HEMK2: variants seen among roughly 807,000 people sequenced by gnomAD.
HEMK2 encodes the protein methyltransferase HEMK2.
the HEMK2 span, among the ~76,000 whole-genome samples, chr21:28,626,061 A>G: frequency 5.9e-5 from 9 of 152,220 alleles, no homozygotes; most frequent in African/African-American, 2.2e-4. Context: ...AACCCACAGG[A>G]AACAGTAAAT....
the HEMK2 span, among the ~76,000 whole-genome samples, chr21:28,777,468 G>A: frequency 2.0e-5 from 3 of 152,194 alleles, no homozygotes; most frequent in African/African-American, 7.2e-5. Context: ...CTAAATCAAT[G>A]TCTACAAAGG....
the HEMK2 span, among the ~76,000 whole-genome samples, chr21:28,718,932 T>C: frequency 2.1e-3 from 324 of 152,262 alleles, 2 homozygotes; most frequent in African/African-American, 7.3e-3. Context: ...AGCTTAGGTA[T>C]GAGTCAAGGT....
chr21:28,704,191 C>T, the HEMK2 span, among the ~76,000 whole-genome samples: 1 of 152,144 alleles, frequency 6.6e-6, no homozygotes, highest in Non-Finnish European at 1.5e-5. Context: ...TAGAGGGAAG[C>T]CAGAGGTAGT....
chr21:28,614,240 A>G, the HEMK2 span, among the ~76,000 whole-genome samples: 1 of 152,210 alleles, frequency 6.6e-6, no homozygotes. Flanking sequence ...TAAGATGTCT[A>G]TTCTTTTCTG....
At chr21:28,630,663 GC>G in the HEMK2 span, among the ~76,000 whole-genome samples, 1 of 151,144 alleles carries the variant, frequency 6.6e-6, no homozygotes, top group Non-Finnish European at 1.5e-5. Context: ...ATCATTCTCA[GC>G]AAACTATCGC....
At chr21:28,684,942 A>G in the HEMK2 span, among the ~76,000 whole-genome samples, 17 of 152,382 alleles carry the variant, frequency 1.1e-4, no homozygotes, top group African/African-American at 4.1e-4. Context: ...AGGTAAAGAC[A>G]GATTTTCATC....
chr21:28,738,618 C>T, the HEMK2 span, among the ~76,000 whole-genome samples: 34,697 of 151,998 alleles, frequency 0.23, 4,567 homozygotes, highest in African/African-American at 0.35. Context: ...AACAGTCCCA[C>T]GGAGAAGCCA....
At chr21:28,859,378 G>T in the HEMK2 span, among the ~76,000 whole-genome samples, 1 of 151,870 alleles carries the variant, frequency 6.6e-6, no homozygotes, top group Non-Finnish European at 1.5e-5. Context: ...ATTTTCATTT[G>T]TGCTTTGACG....
At chr21:28,649,054 C>A in the HEMK2 span, among the ~76,000 whole-genome samples, 3 of 151,392 alleles carry the variant, frequency 2.0e-5, no homozygotes, top group African/African-American at 7.3e-5. Flanking sequence ...TTTGTCCTTG[C>A]GATAGTTTGC....
the HEMK2 span, among the ~76,000 whole-genome samples, chr21:28,647,386 T>C: frequency 1.4e-5 from 2 of 142,008 alleles, no homozygotes; most frequent in African/African-American, 2.7e-5. Context: ...CACGTGCCTG[T>C]AGTCCCAGCT....
At chr21:28,809,766 G>A in the HEMK2 span, among the ~76,000 whole-genome samples, 1 of 152,088 alleles carries the variant, frequency 6.6e-6, no homozygotes, top group Non-Finnish European at 1.5e-5. Context: ...TTGATATATA[G>A]TGCTAAAAAC....
At chr21:28,853,955 G>A in the HEMK2 span, among the ~76,000 whole-genome samples, 1 of 152,176 alleles carries the variant, frequency 6.6e-6, no homozygotes, top group Non-Finnish European at 1.5e-5. Context: ...CTGCAGGTCA[G>A]CCATATACAC....
the HEMK2 span, among the ~76,000 whole-genome samples, chr21:28,710,351 G>C: frequency 6.6e-6 from 1 of 152,134 alleles, no homozygotes; most frequent in Non-Finnish European, 1.5e-5. Flanking sequence ...AGCCAATGGT[G>C]GTCTAATTTT....
chr21:28,695,956 C>A, the HEMK2 span, among the ~76,000 whole-genome samples: 1 of 151,992 alleles, frequency 6.6e-6, no homozygotes, highest in Non-Finnish European at 1.5e-5. Flanking sequence ...TAAAGACATA[C>A]CCGAGACTCG....
chr21:28,729,724 C>T, the HEMK2 span, among the ~76,000 whole-genome samples: 1 of 151,874 alleles, frequency 6.6e-6, no homozygotes, highest in African/African-American at 2.4e-5. Flanking sequence ...TGTCCTGGGC[C>T]GCGTGTGGCC....
chr21:28,849,584 C>G, the HEMK2 span, among the ~76,000 whole-genome samples: 2 of 152,000 alleles, frequency 1.3e-5, no homozygotes, highest in African/African-American at 4.8e-5. Flanking sequence ...CATCGACATC[C>G]AAGAGACAGT....
the HEMK2 span, among the ~76,000 whole-genome samples, chr21:28,842,832 G>T: frequency 6.6e-6 from 1 of 152,140 alleles, no homozygotes; most frequent in Non-Finnish European, 1.5e-5. Flanking sequence ...TGTATACAGA[G>T]AATCAGGTAG....
At chr21:28,831,455 A>AAAGAAAGAAAG in the HEMK2 span, among the ~76,000 whole-genome samples, 1 of 56,968 alleles carries the variant, frequency 1.8e-5, no homozygotes, top group African/African-American at 1.0e-4. Flanking sequence ...AAAAAGAAAG[A>AAAGAAAGAAAG]AAAGAACGAA....
At chr21:28,613,147 A>AAT in the HEMK2 span, among the ~76,000 whole-genome samples, 348 of 151,200 alleles carry the variant, frequency 2.3e-3, 2 homozygotes, top group African/African-American at 7.4e-3. Flanking sequence ...TAGATACCTA[A>AAT]ATATATATAT....
Sources: gnomAD v4.1 joint callset for allele counts (sites outside exome capture counted in the v4.1 genomes callset) on GRCh38, gnomAD v4.1.1 for gene constraint, MANE v1.5 for transcripts, NCBI Gene and HGNC (gene_info 2026-07-23, HGNC 2026-07-21) for gene names.